The following FSHR variants were observed in gnomAD, a reference collection of about 807,000 sequenced individuals.
FSHR encodes follicle-stimulating hormone receptor.
A neutral mutation model predicts 52.1 loss-of-function variants in FSHR; 46 were observed. The observed-to-expected ratio is 0.88, with a 90% confidence interval of 0.70 to 1.13. The LOEUF (loss-of-function observed/expected upper bound fraction) is 1.13, where lower values mean the gene tolerates loss of function less well. Ranked by LOEUF, FSHR falls within the 50% of genes most tolerant of loss-of-function variation. The pLI, the probability that FSHR is intolerant of heterozygous loss-of-function variation, is 0.00. For synonymous variants in FSHR, 399 were observed against 309.6 expected (o/e 1.29, Z -3.03); for missense variants, 964 against 834.6 (o/e 1.16, Z -1.91).
intron 2 of FSHR, among the ~76,000 whole-genome samples, chr2:49,032,068 T>C (rs760127171): frequency 6.6e-6 from 1 of 152,174 alleles, no homozygotes; most frequent in Non-Finnish European, 1.5e-5. Flanking sequence ...TTGCCTTATA[T>C]TGAGTCAAGT....
intron 1 of FSHR, among the ~76,000 whole-genome samples, chr2:49,108,772 G>A (rs1057502613): frequency 1.3e-5 from 2 of 152,120 alleles, no homozygotes; most frequent in Admixed American, 6.6e-5. Flanking sequence ...TGGAGGCAAC[G>A]AAAATGAATG....
At chr2:49,088,908 T>G in intron 1 of FSHR, among the ~76,000 whole-genome samples, 1 of 152,196 alleles carries the variant, frequency 6.6e-6, no homozygotes, top group East Asian at 1.9e-4. Flanking sequence ...ATTTAAAAGT[T>G]TCACACATTT....
chr2:49,104,867 G>A (rs1671167419), intron 1 of FSHR, among the ~76,000 whole-genome samples: 1 of 151,882 alleles, frequency 6.6e-6, no homozygotes, highest in African/African-American at 2.4e-5. Context: ...GGGGGGAGGG[G>A]GGGCGGGCAC....
chr2:49,145,964 T>C (rs1434748605), intron 1 of FSHR, among the ~76,000 whole-genome samples: 1 of 151,868 alleles, frequency 6.6e-6, no homozygotes, highest in Non-Finnish European at 1.5e-5. Flanking sequence ...GAGTAGAAAA[T>C]AGCACATAGA....
chr2:49,036,935 T>C (rs1161042767), intron 2 of FSHR, among the ~76,000 whole-genome samples: 1 of 152,214 alleles, frequency 6.6e-6, no homozygotes, highest in Non-Finnish European at 1.5e-5. Context: ...ATCTTCAACA[T>C]GATCAGAACG....
intron 2 of FSHR, among the ~76,000 whole-genome samples, chr2:49,024,914 C>A (rs1006620926): frequency 1.6e-4 from 24 of 152,222 alleles, no homozygotes; most frequent in African/African-American, 5.3e-4. Flanking sequence ...GTTACTGCCC[C>A]TTGCATATTG....
At chr2:48,964,022 C>T (rs760848802) in intron 9 of FSHR, 56 bp from the exon 10 acceptor site, 43 of 1,537,260 alleles carry the variant, frequency 2.8e-5, no homozygotes, top group South Asian at 3.4e-5. Flanking sequence ...ATAGCAAATA[C>T]ATCACTGTCT....
At chr2:49,127,793 C>CTT (rs1672075588) in intron 1 of FSHR, among the ~76,000 whole-genome samples, 1 of 54,672 alleles carries the variant, frequency 1.8e-5, no homozygotes, top group African/African-American at 7.7e-5. Flanking sequence ...TCTTCTTCTT[C>CTT]TTCTTCTTCT....
At chr2:49,054,400 C>A (rs1256078134) in intron 2 of FSHR, among the ~76,000 whole-genome samples, 1 of 152,126 alleles carries the variant, frequency 6.6e-6, no homozygotes, top group Non-Finnish European at 1.5e-5. Flanking sequence ...CCAAAGAAGA[C>A]ACACGAACCC....
At chr2:49,110,605 A>G (rs1671388914) in intron 1 of FSHR, among the ~76,000 whole-genome samples, 1 of 152,106 alleles carries the variant, frequency 6.6e-6, no homozygotes, top group African/African-American at 2.4e-5. Flanking sequence ...CAAGGATCCT[A>G]TTTCTTCTGT....
chr2:49,114,998 T>A (rs955514071), intron 1 of FSHR, among the ~76,000 whole-genome samples: 2 of 151,682 alleles, frequency 1.3e-5, no homozygotes, highest in Non-Finnish European at 2.9e-5. Flanking sequence ...TTGAAAAGTT[T>A]GTTTGGCCCC....
chr2:48,973,813 T>A (rs1194076285), intron 8 of FSHR, among the ~76,000 whole-genome samples: 1 of 152,216 alleles, frequency 6.6e-6, no homozygotes, highest in Non-Finnish European at 1.5e-5. Context: ...CCAACTGTGA[T>A]GTTCTCCGAC....
chr2:49,139,826 C>T (rs186111441), intron 1 of FSHR, among the ~76,000 whole-genome samples: 257 of 152,134 alleles, frequency 1.7e-3, no homozygotes, highest in Non-Finnish European at 3.0e-3. Context: ...TCTTGATCTC[C>T]TGACCTCGTG....
At chr2:49,090,229 C>G (rs1251099728) in intron 1 of FSHR, among the ~76,000 whole-genome samples, 1 of 151,952 alleles carries the variant, frequency 6.6e-6, no homozygotes, top group Non-Finnish European at 1.5e-5. Flanking sequence ...GGATATGGAA[C>G]AGCTCCATCA....
At chr2:49,127,568 T>G (rs1022370969) in intron 1 of FSHR, among the ~76,000 whole-genome samples, 1 of 151,352 alleles carries the variant, frequency 6.6e-6, no homozygotes, top group Non-Finnish European at 1.5e-5. Flanking sequence ...CACAAATACA[T>G]CTCTTCCCTT....
chr2:48,968,670 C>T, intron 9 of FSHR, 28 bp downstream of exon 9: 5 of 1,612,804 alleles, frequency 3.1e-6, no homozygotes, highest in Admixed American at 3.3e-5. Flanking sequence ...GGGGAAATGC[C>T]TGAGCAGGGC....
chr2:49,110,960 TGGTTAATAA>T (rs1306996120), intron 1 of FSHR, among the ~76,000 whole-genome samples: 2 of 152,122 alleles, frequency 1.3e-5, no homozygotes, highest in Non-Finnish European at 2.9e-5. Context: ...TAACACACAG[TGGTTAATAA>T]GGTTCTTCAA....
At chr2:49,141,995 C>G (rs894129205) in intron 1 of FSHR, among the ~76,000 whole-genome samples, 10 of 152,180 alleles carry the variant, frequency 6.6e-5, no homozygotes, top group South Asian at 2.1e-4. Flanking sequence ...AATTGTTGGG[C>G]AAGATGCTAT....
intron 2 of FSHR, among the ~76,000 whole-genome samples, chr2:49,049,044 T>G (rs1668760992): frequency 6.6e-6 from 1 of 152,132 alleles, no homozygotes; most frequent in Admixed American, 6.6e-5. Context: ...AGATTGCTTC[T>G]TTTTATTTTA....
Sources: gnomAD v4.1 joint callset for allele counts (sites outside exome capture counted in the v4.1 genomes callset) on GRCh38, gnomAD v4.1.1 for gene constraint, MANE v1.5 for transcripts, NCBI Gene and HGNC (gene_info 2026-07-23, HGNC 2026-07-21) for gene names.